ST6GALNAC4: variants seen among roughly 807,000 people sequenced by gnomAD.
ST6GALNAC4 encodes the protein alpha-N-acetyl-neuraminyl-2,3-beta-galactosyl-1,3-N-acetyl-galactosaminide alpha-2,6-sialyltransferase.
In ST6GALNAC4, 24 loss-of-function variants were observed where a neutral mutation model predicts 30.4. That is an observed-to-expected ratio of 0.79 (90% confidence interval 0.57 to 1.11). The LOEUF is 1.11. Ranked by LOEUF, ST6GALNAC4 falls within the 50% of genes most tolerant of loss-of-function variation. The pLI is 0.00. For missense variants in ST6GALNAC4, 365 were observed against 430.1 expected, an observed-to-expected ratio of 0.85 and a Z score of 1.34; for synonymous variants, 156 against 179.7, an observed-to-expected ratio of 0.87 and a Z score of 1.05.
rs1192379690 is a variant in ST6GALNAC4, at chr9:127,916,245, C to T, written c.12+163G>A. 69 of 873,082 alleles carry T rather than the reference C, an allele frequency of 7.9e-5. No homozygotes were observed. The South Asian group carries it at 9.5e-4, about 12-fold the overall frequency. The allele number at this position is 873,082 out of a possible 1,614,324, so 54.1% of individuals were successfully genotyped here. The stretch of plus-strand genomic sequence containing the variant: ...TGGATGCCACCTGCCTGGGGCCACA[C>T]GGTCTGCAAGAACAGGGTTGGACTT... On this transcript the variant is annotated intron_variant, in intron 2 of 5. Coordinates refer to ENST00000335791, the MANE Select transcript of ST6GALNAC4 (RefSeq NM_175039.4).
At position 127,909,876 on chromosome 9, in the gene ST6GALNAC4, A is replaced by T. The variant is rs1009594518; in HGVS notation, c.719+75T>A. The T allele has an allele frequency of 2.1e-6, 3 of 1,446,016 alleles. No individual in the cohort carries two copies. In the East Asian group the frequency reaches 7.1e-5, roughly 34 times the overall value. 89.6% of individuals were successfully genotyped at this position (1,446,016 alleles called of 1,614,324 possible). A position where few individuals can be genotyped will look rare whatever the true frequency, so the allele number is the denominator to read the frequency against. ...ACTCCCTCTGCCCCCACAGCTCCCA[A>T]ATCCTCTGGTTTAAGGCCTAGGAGG... is the stretch of plus-strand genomic sequence containing the variant. On this transcript the variant is annotated intron_variant, in intron 5 of 5. Transcript: ENST00000335791.
intron 1 of ST6GALNAC4, 42 bp from the exon 2 acceptor site, chr9:127,916,536 G>A (rs886883111): frequency 7.9e-7 from 1 of 1,273,846 alleles, no homozygotes; most frequent in Admixed American, 1.7e-5. Flanking sequence ...GGGTAAGGCA[G>A]GTGGGGTTCT....
At chr9:127,914,565 G>T in intron 3 of ST6GALNAC4, 91 bp downstream of exon 3, 2 of 1,045,170 alleles carry the variant, frequency 1.9e-6, no homozygotes, top group Non-Finnish European at 2.6e-6. Flanking sequence ...GGATCACATG[G>T]CTGGTGAGTA....
At position 127,909,943 on chromosome 9, in the gene ST6GALNAC4, G is replaced by A. The variant is rs762398481; in HGVS notation, c.719+8C>T. ...GCGTCCCCGCGTGCCCGGCCTGGCC[G>A]GTCTGACCTGCAGTAGCTGTCGCTG... On this transcript the variant is annotated splice_region_variant and intron_variant, in intron 5 of 5. Transcript: ENST00000335791. 1 of 1,612,910 alleles carries A rather than the reference G, an allele frequency of 6.2e-7. No homozygotes were observed.
At chr9:127,916,608 G>A (rs1831200404) in intron 1 of ST6GALNAC4, 114 bp from the exon 2 acceptor site, 3 of 639,060 alleles carry the variant, frequency 4.7e-6, no homozygotes, top group Non-Finnish European at 8.3e-6. Flanking sequence ...CATGGCACCC[G>A]GGAATCCAAC....
chr9:127,913,059 A>G (rs1831115740), intron 3 of ST6GALNAC4, among the ~76,000 whole-genome samples: 1 of 152,384 alleles, frequency 6.6e-6, no homozygotes, highest in Admixed American at 6.5e-5. Flanking sequence ...TCAAGTAAAC[A>G]TGAACCTCAG....
rs1831102124 is a variant in ST6GALNAC4, at chr9:127,912,560, G to T, written c.319C>A (p.Pro107Thr). 1 of 1,613,040 alleles carries T rather than the reference G, an allele frequency of 6.2e-7. No homozygotes were observed. The highest frequency in any genetic ancestry group is 8.5e-7 in the Non-Finnish European group (1 of 1,179,888). Residue 107 changes from proline to threonine, a missense_variant, in exon 4 of 6, where the codon CCC (proline) becomes ACC (threonine). Coordinates refer to ENST00000335791, the MANE Select transcript of ST6GALNAC4 (RefSeq NM_175039.4). ...AECVFRMNQA[P>T]TVGFEADVGQ... is the part of the protein sequence containing the mutation. ...ACATCCGCCTCAAAGCCCACGGTGG[G>T]CGCCTGGTTCATGCGGAACACGCAC...
Position 127,908,358 on chromosome 9 carries a change from C to T in ST6GALNAC4, c.*34G>A, listed in dbSNP as rs372922711. Reference sequence around the variant, plus strand: ...TTGGGATGGGACATCCCGGAGGCCTCGCAACGGCATGGCGACTGGCAGGAC... The same window carrying T: ...TTGGGATGGGACATCCCGGAGGCCTTGCAACGGCATGGCGACTGGCAGGAC... On this transcript the variant is annotated 3_prime_UTR_variant, in exon 6 of 6. Transcript: ENST00000335791. 1.6e-4 allele frequency: 236 copies of T among 1,506,814 alleles called. No individual in the cohort carries two copies. The highest frequency in any genetic ancestry group is 1.9e-4 in the Non-Finnish European group (218 of 1,118,902). The allele number at this position is 1,506,814 out of a possible 1,614,324, so 93.3% of individuals were successfully genotyped here.
intron 4 of ST6GALNAC4, among the ~76,000 whole-genome samples, chr9:127,911,405 T>A (rs1029200988): frequency 6.6e-6 from 1 of 152,176 alleles, no homozygotes; most frequent in Admixed American, 6.5e-5. Flanking sequence ...AGTGTGCTTT[T>A]GGATATGACA....
At chr9:127,913,171 CTGT>C (rs1831118314) in intron 3 of ST6GALNAC4, among the ~76,000 whole-genome samples, 1 of 152,252 alleles carries the variant, frequency 6.6e-6, no homozygotes, top group Non-Finnish European at 1.5e-5. Context: ...CCCAGGACAG[CTGT>C]GGGACTCCCT....
intron 4 of ST6GALNAC4, among the ~76,000 whole-genome samples, chr9:127,911,476 T>C (rs937455456): frequency 1.3e-5 from 2 of 152,174 alleles, no homozygotes; most frequent in African/African-American, 4.8e-5. Context: ...AGAGGGCTGT[T>C]ATTGCTCTGT....
At chr9:127,916,326 G>T in intron 2 of ST6GALNAC4, 82 bp downstream of exon 2, 1 of 1,588,106 alleles carries the variant, frequency 6.3e-7, no homozygotes, top group Non-Finnish European at 8.6e-7. Flanking sequence ...GTGGCAGTGG[G>T]TCCTGGGGTG....
intron 4 of ST6GALNAC4, 48 bp downstream of exon 4, chr9:127,912,220 A>C (rs1247440066): frequency 1.3e-6 from 2 of 1,561,522 alleles, no homozygotes; most frequent in Admixed American, 1.8e-5. Context: ...CCAGAGAAGG[A>C]AGGCCCCAGC....
chr9:127,910,310 C>G (rs1475314162), intron 4 of ST6GALNAC4: 1 of 1,269,700 alleles, frequency 7.9e-7, no homozygotes, highest in Non-Finnish European at 1.0e-6. Context: ...CTACGCTTTG[C>G]AGGGTTTGAG....
intron 3 of ST6GALNAC4, among the ~76,000 whole-genome samples, chr9:127,913,092 C>A (rs2131622545): frequency 6.6e-6 from 1 of 152,326 alleles, no homozygotes; most frequent in East Asian, 1.9e-4. Flanking sequence ...ATTCTTAGGC[C>A]ACTCCCTCCC....
intron 1 of ST6GALNAC4, 48 bp from the exon 2 acceptor site, chr9:127,916,542 G>T: frequency 8.3e-7 from 1 of 1,198,626 alleles, no homozygotes; most frequent in Non-Finnish European, 1.2e-6. Flanking sequence ...GGCAGGTGGG[G>T]TTCTAAGCTA....
chr9:127,909,326 T>A (rs972702370), intron 5 of ST6GALNAC4, among the ~76,000 whole-genome samples: 1 of 150,774 alleles, frequency 6.6e-6, no homozygotes, highest in East Asian at 1.9e-4. Context: ...GAGGTGGAGG[T>A]TGCAGTGAGC....
intron 3 of ST6GALNAC4, among the ~76,000 whole-genome samples, 162 bp from the exon 4 acceptor site, chr9:127,912,842 C>T (rs1017655190): frequency 3.3e-5 from 5 of 152,180 alleles, no homozygotes; most frequent in African/African-American, 1.2e-4. Context: ...ATGACTTTCC[C>T]GAGATCACAG....
intron 3 of ST6GALNAC4, among the ~76,000 whole-genome samples, chr9:127,913,581 C>A (rs1382175519): frequency 2.0e-5 from 3 of 151,398 alleles, no homozygotes; most frequent in Non-Finnish European, 4.4e-5. Context: ...GAGCTCTTGT[C>A]TAAAATAAAT....
Sources: allele counts gnomAD v4.1 joint callset (sites outside exome capture counted in the v4.1 genomes callset), GRCh38; gene constraint gnomAD v4.1.1; transcripts MANE v1.5; gene names NCBI Gene and HGNC (gene_info 2026-07-23, HGNC 2026-07-21).